Variants in CCL28 observed in about 807,000 individuals in gnomAD.
The protein encoded by CCL28 is C-C motif chemokine ligand 28.
In CCL28, 4 loss-of-function variants were observed where a neutral mutation model predicts 7.1. The ratio of observed to expected loss-of-function variants is 0.56; its 90% CI spans 0.28 to 1.29. CCL28 has a LOEUF of 1.29. CCL28 is among the 50% of genes most tolerant of loss of function. CCL28 has a pLI of 0.11. For synonymous variants in CCL28, 55 were observed against 57.8 expected, an observed-to-expected ratio of 0.95 and a Z score of 0.22; for missense variants, 151 against 163.4, an observed-to-expected ratio of 0.92 and a Z score of 0.41.
chr5:43,361,985 T>C, the CCL28 span, among the ~76,000 whole-genome samples: 1 of 152,200 alleles, frequency 6.6e-6, no homozygotes, highest in African/African-American at 2.4e-5. Context: ...TCAGGCTCTT[T>C]TTCGGTTCCA....
At chr5:43,392,106 ATTATTTAT>A (rs35180804) in intron 1 of CCL28, among the ~76,000 whole-genome samples, 8 of 151,376 alleles carry the variant, frequency 5.3e-5, no homozygotes, top group Non-Finnish European at 8.8e-5. Context: ...TGCATATCTT[ATTATTTAT>A]TTATTTATTT....
chr5:43,363,902 C>G, the CCL28 span, among the ~76,000 whole-genome samples: 1 of 152,144 alleles, frequency 6.6e-6, no homozygotes, highest in Non-Finnish European at 1.5e-5. Flanking sequence ...GAAATAGAAG[C>G]CACTGAGGAA....
the CCL28 span, among the ~76,000 whole-genome samples, chr5:43,357,684 G>A: frequency 2.0e-5 from 3 of 151,804 alleles, no homozygotes; most frequent in Non-Finnish European, 2.9e-5. Context: ...TGAAAGAAAG[G>A]GGGGGAAAAA....
At chr5:43,373,659 TC>T (rs1739832689), downstream of CCL28, among the ~76,000 whole-genome samples, 1 of 152,116 alleles carries the variant, frequency 6.6e-6, no homozygotes, top group African/African-American at 2.4e-5. Flanking sequence ...AGGGTAACTC[TC>T]CAAGTAAAGA....
downstream of CCL28, chr5:43,376,748 G>C (rs1311846717): frequency 2.0e-5 from 3 of 152,216 alleles, no homozygotes; most frequent in Non-Finnish European, 4.4e-5. Flanking sequence ...GAGGCAAGGG[G>C]CTGGAAAATT....
chr5:43,384,958 G>A (rs1456469252), intron 2 of CCL28, among the ~76,000 whole-genome samples: 4 of 150,574 alleles, frequency 2.7e-5, no homozygotes, highest in African/African-American at 4.9e-5. Flanking sequence ...GTGCAGTGGC[G>A]CGACCTTGGC....
chr5:43,401,825 G>C (rs1161500812), intron 1 of CCL28, among the ~76,000 whole-genome samples: 3 of 152,118 alleles, frequency 2.0e-5, no homozygotes, highest in Non-Finnish European at 4.4e-5. Flanking sequence ...AAATTGAGAT[G>C]GGCCCTTAAA....
At chr5:43,378,324 C>A (rs1011981249), downstream of CCL28, among the ~76,000 whole-genome samples, 1 of 152,108 alleles carries the variant, frequency 6.6e-6, no homozygotes, top group Non-Finnish European at 1.5e-5. Context: ...GCACTCCAGC[C>A]TGGGCAACAG....
At chr5:43,361,301 T>C in the CCL28 span, among the ~76,000 whole-genome samples, 2 of 152,350 alleles carry the variant, frequency 1.3e-5, no homozygotes, top group African/African-American at 2.4e-5. Context: ...TGTATCTTTA[T>C]AATAGAATGA....
At chr5:43,396,724 A>C (rs1005042839) in intron 1 of CCL28, among the ~76,000 whole-genome samples, 4 of 152,240 alleles carry the variant, frequency 2.6e-5, no homozygotes, top group African/African-American at 9.6e-5. Flanking sequence ...AAAACCCGGA[A>C]AAGGAAAATC....
intron 1 of CCL28, among the ~76,000 whole-genome samples, chr5:43,402,631 A>G (rs749479077): frequency 1.3e-5 from 2 of 152,146 alleles, no homozygotes; most frequent in East Asian, 1.9e-4. Context: ...TGCATTTCCA[A>G]CTGAGGTACT....
intron 2 of CCL28, among the ~76,000 whole-genome samples, chr5:43,383,074 C>A (rs1482407093): frequency 2.0e-5 from 3 of 152,108 alleles, no homozygotes; most frequent in Non-Finnish European, 4.4e-5. Context: ...TCGCCTCAGC[C>A]CCCGAAGTGC....
chr5:43,405,310 T>C (rs964965038), intron 1 of CCL28, among the ~76,000 whole-genome samples: 1 of 152,166 alleles, frequency 6.6e-6, no homozygotes, highest in African/African-American at 2.4e-5. Flanking sequence ...TCAGACCACA[T>C]GCAATCAAAC....
At chr5:43,402,969 G>A (rs754854290) in intron 1 of CCL28, among the ~76,000 whole-genome samples, 19 of 152,226 alleles carry the variant, frequency 1.2e-4, no homozygotes, top group East Asian at 3.9e-4. Context: ...GGGGAAGGGC[G>A]TCTGCCATTG....
At chr5:43,399,285 G>C (rs1320243685) in intron 1 of CCL28, among the ~76,000 whole-genome samples, 1 of 151,962 alleles carries the variant, frequency 6.6e-6, no homozygotes, top group African/African-American at 2.4e-5. Flanking sequence ...CTTTCTCCTT[G>C]TTACCACTCT....
chr5:43,373,497 T>A (rs1262892270), downstream of CCL28, among the ~76,000 whole-genome samples: 1 of 151,672 alleles, frequency 6.6e-6, no homozygotes, highest in African/African-American at 2.4e-5. Context: ...ACGGGGTTTC[T>A]CCATGTTAGT....
downstream of CCL28, chr5:43,377,535 T>C (rs1383815979): frequency 6.8e-6 from 1 of 146,360 alleles, no homozygotes; most frequent in South Asian, 2.2e-4. Flanking sequence ...AAAGAAAAAG[T>C]TATTTTAAAA....
intron 2 of CCL28, among the ~76,000 whole-genome samples, chr5:43,387,594 C>G (rs901502667): frequency 2.6e-5 from 4 of 152,082 alleles, no homozygotes; most frequent in Non-Finnish European, 5.9e-5. Flanking sequence ...TCTTTTTGAA[C>G]CTTTTCTTTT....
chr5:43,377,716 A>AATTTTT (rs1561151287), downstream of CCL28, among the ~76,000 whole-genome samples: 2 of 45,658 alleles, frequency 4.4e-5, no homozygotes, highest in African/African-American at 1.3e-4. Flanking sequence ...TAGAACTTAA[A>AATTTTT]CTTTTTTTTT....
Sources: gnomAD v4.1 joint callset for allele counts (sites outside exome capture counted in the v4.1 genomes callset) on GRCh38, gnomAD v4.1.1 for gene constraint, MANE v1.5 for transcripts, NCBI Gene and HGNC (gene_info 2026-07-23, HGNC 2026-07-21) for gene names.